NEMP2: variants seen among roughly 807,000 people sequenced by gnomAD.
The protein encoded by NEMP2 is UPF0571 transmembrane protein.
Under a neutral mutation model 54.2 loss-of-function variants are expected in NEMP2, and 53 were observed. The observed-to-expected ratio is 0.98, with a 90% CI of 0.78 to 1.23. The LOEUF is 1.23. NEMP2 is among the 50% of genes most tolerant of loss of function. The pLI is 0.00. For missense variants in NEMP2, 455 were observed against 511.3 expected (o/e 0.89, Z 1.06); for synonymous variants, 197 against 190.3 (o/e 1.04, Z -0.29).
chr2:190,625,575 A>G, the NEMP2 span: 2 of 152,266 alleles, frequency 1.3e-5, no homozygotes, highest in East Asian at 3.8e-4. Context: ...ACATCTCAAT[A>G]AAGCTGTTAT....
At position 190,513,082 on chromosome 2, in the gene NEMP2, GTTCT is replaced by G. The variant is rs1690426225; in HGVS notation, c.953+1367_953+1370del. ...TGGACCACTGTGATGTCTGATAACT[GTTCT>G]CCTGCCACAGGGGCCTCCCCTTTAT... On this transcript the variant is annotated intron_variant, in intron 7 of 8. Coordinates refer to ENST00000409150, the MANE Select transcript of NEMP2 (RefSeq NM_001142645.2). This position sits in a 1 kb window ranked among gnomAD's most constrained non-coding sequence, Gnocchi z 5.3. Among the ~76,000 whole-genome samples, 1 of 152,104 alleles carries G rather than the reference GTTCT, an allele frequency of 6.6e-6. No individual in the cohort carries two copies. Among genetic ancestry groups the G allele is most frequent in the African/African-American group, 2.4e-5 (1 of 41,396 alleles).
At chr2:190,603,236 G>C in the NEMP2 span, among the ~76,000 whole-genome samples, 1 of 152,012 alleles carries the variant, frequency 6.6e-6, no homozygotes, top group Non-Finnish European at 1.5e-5. Context: ...ATTTTTTCCT[G>C]TGCAAAAACC....
At chr2:190,608,758 A>C in the NEMP2 span, 1 of 152,376 alleles carries the variant, frequency 6.6e-6, no homozygotes, top group East Asian at 1.9e-4. This position sits in a 1 kb window ranked among gnomAD's most constrained non-coding sequence, Gnocchi z 4.9. Flanking sequence ...ACAGGAATAC[A>C]GAACAATGGG....
At chr2:190,517,200 G>A (rs1690592783) in intron 5 of NEMP2, among the ~76,000 whole-genome samples, 1 of 151,284 alleles carries the variant, frequency 6.6e-6, no homozygotes, top group Non-Finnish European at 1.5e-5. Flanking sequence ...AGCATCATGA[G>A]ATTCCCAGCT....
the NEMP2 span, chr2:190,648,302 G>C: frequency 6.6e-6 from 1 of 152,316 alleles, no homozygotes; most frequent in Non-Finnish European, 1.5e-5. Flanking sequence ...CAACGCCAGA[G>C]CGGAGGTGGG....
At chr2:190,546,150 T>C in the NEMP2 span, among the ~76,000 whole-genome samples, 1 of 152,138 alleles carries the variant, frequency 6.6e-6, no homozygotes, top group East Asian at 1.9e-4. The surrounding 1 kb of genome is among the most constrained non-coding windows in gnomAD (Gnocchi z 5.1). Flanking sequence ...ATTCAACAAA[T>C]ACACAGTCAG....
chr2:190,616,921 T>G, the NEMP2 span: 1 of 151,522 alleles, frequency 6.6e-6, no homozygotes, highest in African/African-American at 2.4e-5. This position sits in a 1 kb window ranked among gnomAD's most constrained non-coding sequence, Gnocchi z 5.1. Flanking sequence ...CTGGCCTGGG[T>G]AACAGAGCAA....
At chr2:190,430,081 G>A in the NEMP2 span, among the ~76,000 whole-genome samples, 1 of 145,852 alleles carries the variant, frequency 6.9e-6, no homozygotes, top group Non-Finnish European at 1.5e-5. Flanking sequence ...CCACCTATAA[G>A]TGAGAACATG....
chr2:190,647,050 C>CG, the NEMP2 span, among the ~76,000 whole-genome samples: 5 of 152,188 alleles, frequency 3.3e-5, no homozygotes, highest in South Asian at 1.0e-3. Context: ...TTGCCTAAAT[C>CG]GTCTTTAACA....
At chr2:190,640,182 T>G in the NEMP2 span, among the ~76,000 whole-genome samples, 1 of 152,094 alleles carries the variant, frequency 6.6e-6, no homozygotes, top group South Asian at 2.1e-4. Context: ...CTTATTTAAC[T>G]AATACATTAT....
chr2:190,464,800 A>G, the NEMP2 span: 8 of 455,342 alleles, frequency 1.8e-5, no homozygotes, highest in Non-Finnish European at 1.7e-5. Flanking sequence ...GACCAAGTAG[A>G]TTTCCTCTTC....
At chr2:190,579,154 C>T in the NEMP2 span, among the ~76,000 whole-genome samples, 8 of 152,082 alleles carry the variant, frequency 5.3e-5, no homozygotes, top group South Asian at 1.7e-3. Flanking sequence ...TTTTGATGGC[C>T]TTTGAAACCC....
At chr2:190,612,796 C>T in the NEMP2 span, among the ~76,000 whole-genome samples, 5 of 152,174 alleles carry the variant, frequency 3.3e-5, no homozygotes, top group East Asian at 9.6e-4. Context: ...TCTCTTATTT[C>T]CTGGTTCCTT....
the NEMP2 span, among the ~76,000 whole-genome samples, chr2:190,634,960 CA>C: frequency 6.6e-6 from 1 of 152,182 alleles, no homozygotes; most frequent in African/African-American, 2.4e-5. The surrounding 1 kb of genome is among the most constrained non-coding windows in gnomAD (Gnocchi z 6.8). Context: ...CCTCCTGTGA[CA>C]CATCTTAAAT....
the NEMP2 span, among the ~76,000 whole-genome samples, chr2:190,441,934 G>A: frequency 6.6e-6 from 1 of 152,134 alleles, no homozygotes; most frequent in Non-Finnish European, 1.5e-5. Context: ...TCAGATTGGT[G>A]CCTGCCTCTG....
chr2:190,584,936 A>AAAG, the NEMP2 span, among the ~76,000 whole-genome samples: 7 of 150,366 alleles, frequency 4.7e-5, no homozygotes, highest in Admixed American at 1.3e-4. The surrounding 1 kb of genome is among the most constrained non-coding windows in gnomAD (Gnocchi z 4.2). Flanking sequence ...AGAAAGAAAG[A>AAAG]AAGAAAGAAA....
chr2:190,536,625 C>G (rs1421176070), upstream of NEMP2, among the ~76,000 whole-genome samples: 1 of 152,162 alleles, frequency 6.6e-6, no homozygotes, highest in African/African-American at 2.4e-5. Context: ...GCACCAGTGA[C>G]AACACCAGTC....
At chr2:190,542,555 A>G in the NEMP2 span, among the ~76,000 whole-genome samples, 1 of 151,424 alleles carries the variant, frequency 6.6e-6, no homozygotes, top group Non-Finnish European at 1.5e-5. This position sits in a 1 kb window ranked among gnomAD's most constrained non-coding sequence, Gnocchi z 4.6. Context: ...CTTGTAGGTG[A>G]TCTTCCTTTT....
chr2:190,560,491 CA>C, the NEMP2 span, among the ~76,000 whole-genome samples: 1 of 152,170 alleles, frequency 6.6e-6, no homozygotes, highest in East Asian at 1.9e-4. This position sits in a 1 kb window ranked among gnomAD's most constrained non-coding sequence, Gnocchi z 5.4. Flanking sequence ...TATACTCTAA[CA>C]GCATACATAA....
Sources: gnomAD v4.1 joint callset for allele counts (sites outside exome capture counted in the v4.1 genomes callset) on GRCh38, gnomAD v4.1.1 for gene constraint, Gnocchi (gnomAD v3.1) non-coding constraint, MANE v1.5 for transcripts, NCBI Gene and HGNC (gene_info 2026-07-23, HGNC 2026-07-21) for gene names.